Variants in MICU3 observed in about 807,000 individuals in gnomAD.
The protein encoded by MICU3 is calcium uptake protein 3, mitochondrial.
Under a neutral mutation model 66.5 loss-of-function variants are expected in MICU3, and 62 were observed. The observed-to-expected ratio is 0.93, with a 90% CI of 0.76 to 1.15. The LOEUF (loss-of-function observed/expected upper bound fraction) is 1.15. Ranked by LOEUF, MICU3 falls within the 50% of genes most tolerant of loss-of-function variation. MICU3 has a pLI of 0.00. For synonymous variants in MICU3, 308 were observed against 240.7 expected (o/e 1.28, Z -2.59); for missense variants, 779 against 664.4 (o/e 1.17, Z -1.90).
chr8:17,117,037 G>C (rs189182370), intron 13 of MICU3, among the ~76,000 whole-genome samples: 1 of 152,124 alleles, frequency 6.6e-6, no homozygotes, highest in Non-Finnish European at 1.5e-5. Context: ...GAGTGCAGTG[G>C]CATGATCACA....
intron 1 of MICU3, among the ~76,000 whole-genome samples, chr8:17,029,903 T>A (rs903241205): frequency 1.2e-4 from 19 of 152,220 alleles, no homozygotes; most frequent in Non-Finnish European, 1.3e-4. Context: ...TCCTGACAGA[T>A]CCTAATCTAA....
At chr8:17,097,313 CTTAG>C (rs1440199417) in intron 8 of MICU3, among the ~76,000 whole-genome samples, 3 of 151,550 alleles carry the variant, frequency 2.0e-5, no homozygotes, top group African/African-American at 7.3e-5. Context: ...TTTATAACTG[CTTAG>C]TTAAAGCTTA....
intron 7 of MICU3, among the ~76,000 whole-genome samples, chr8:17,087,538 A>G (rs1459081544): frequency 6.6e-6 from 1 of 152,036 alleles, no homozygotes. Context: ...ATTACCCTCC[A>G]TCTTCCTAAC....
At chr8:17,046,718 C>T (rs62503724) in intron 1 of MICU3, among the ~76,000 whole-genome samples, 16,047 of 151,910 alleles carry the variant, frequency 0.11, 911 homozygotes, top group South Asian at 0.22. Context: ...ACCTACCTAA[C>T]GCCAGAATTC....
chr8:17,036,715 T>C (rs1412900897), intron 1 of MICU3, among the ~76,000 whole-genome samples: 4 of 152,190 alleles, frequency 2.6e-5, no homozygotes, highest in Non-Finnish European at 4.4e-5. Context: ...ATAAAGACTC[T>C]CCACGTCCCC....
chr8:17,115,349 G>C (rs1472202442), intron 12 of MICU3, among the ~76,000 whole-genome samples: 5 of 152,078 alleles, frequency 3.3e-5, no homozygotes, highest in African/African-American at 1.2e-4. Context: ...ACCCATTTTA[G>C]TGTTTTAAAG....
intron 1 of MICU3, among the ~76,000 whole-genome samples, chr8:17,043,541 T>TGGAGATC (rs1162050193): frequency 6.6e-6 from 1 of 152,198 alleles, no homozygotes; most frequent in African/African-American, 2.4e-5. Flanking sequence ...TTGTGGTGAA[T>TGGAGATC]GGAGATCAGT....
chr8:17,034,176 A>G (rs1812570939), intron 1 of MICU3, among the ~76,000 whole-genome samples: 1 of 152,160 alleles, frequency 6.6e-6, no homozygotes, highest in African/African-American at 2.4e-5. Flanking sequence ...TACCTGTGTT[A>G]TGTTAGGGGG....
intron 4 of MICU3, among the ~76,000 whole-genome samples, chr8:17,081,183 A>G (rs958118066): frequency 3.3e-5 from 5 of 152,270 alleles, no homozygotes; most frequent in Non-Finnish European, 7.4e-5. Flanking sequence ...AGATAATTTG[A>G]AAGCAGAAAA....
chr8:17,103,263 G>C (rs562073282), intron 9 of MICU3, among the ~76,000 whole-genome samples: 2 of 151,836 alleles, frequency 1.3e-5, no homozygotes, highest in African/African-American at 4.8e-5. Context: ...TAGGAAGAGG[G>C]CTATGAGGAA....
chr8:17,127,970 C>A, the MICU3 span, among the ~76,000 whole-genome samples: 2 of 152,014 alleles, frequency 1.3e-5, no homozygotes, highest in African/African-American at 2.4e-5. Context: ...ATTGGACTTG[C>A]TAGAAATCAC....
intron 1 of MICU3, among the ~76,000 whole-genome samples, chr8:17,054,003 C>A (rs79898401): frequency 0.041 from 6,195 of 152,250 alleles, 459 homozygotes; most frequent in African/African-American, 0.14. Flanking sequence ...TAAGGTAAGT[C>A]ATGTGCCAGA....
chr8:17,090,986 T>C (rs540236388), intron 8 of MICU3, among the ~76,000 whole-genome samples: 1 of 152,248 alleles, frequency 6.6e-6, no homozygotes, highest in South Asian at 2.1e-4. Flanking sequence ...TCAATTCTAA[T>C]AAGTGTCTTA....
intron 11 of MICU3, among the ~76,000 whole-genome samples, chr8:17,106,517 C>T (rs1801751856): frequency 6.8e-6 from 1 of 147,716 alleles, no homozygotes; most frequent in African/African-American, 2.5e-5. Context: ...TTTCCAGCTA[C>T]TGAGGTATTA....
chr8:17,105,392 T>A, intron 10 of MICU3, 21 bp from the exon 11 acceptor site: 1 of 1,420,606 alleles, frequency 7.0e-7, no homozygotes, highest in South Asian at 1.3e-5. Flanking sequence ...TTTTTCCTTC[T>A]TTATTACATT....
At chr8:17,072,061 G>T (rs990533509) in intron 3 of MICU3, among the ~76,000 whole-genome samples, 2 of 151,760 alleles carry the variant, frequency 1.3e-5, no homozygotes, top group African/African-American at 4.8e-5. Context: ...ATGAGTAAGG[G>T]CCCCAAAATA....
At chr8:17,047,764 G>C (rs1329076730) in intron 1 of MICU3, among the ~76,000 whole-genome samples, 1 of 152,134 alleles carries the variant, frequency 6.6e-6, no homozygotes, top group East Asian at 1.9e-4. Context: ...TTTCATAAGA[G>C]ACTGAGAGTT....
intron 4 of MICU3, among the ~76,000 whole-genome samples, chr8:17,080,562 T>C (rs142952135): frequency 1.3e-5 from 2 of 152,270 alleles, no homozygotes; most frequent in African/African-American, 4.8e-5. Flanking sequence ...CTTTCATTTT[T>C]TGAGGGATCC....
At chr8:17,028,068 T>C (rs1811333112) in intron 1 of MICU3, among the ~76,000 whole-genome samples, 1 of 152,142 alleles carries the variant, frequency 6.6e-6, no homozygotes, top group African/African-American at 2.4e-5. Flanking sequence ...AGAATGAGTT[T>C]CGAAGCAGCG....
Sources: gnomAD v4.1 joint callset for allele counts (sites outside exome capture counted in the v4.1 genomes callset) on GRCh38, gnomAD v4.1.1 for gene constraint, MANE v1.5 for transcripts, NCBI Gene and HGNC (gene_info 2026-07-23, HGNC 2026-07-21) for gene names.